BRINP3: variants seen among roughly 807,000 people sequenced by gnomAD.
The protein encoded by BRINP3 is BMP/retinoic acid inducible neural specific 3.
BRINP3 carries 19 observed loss-of-function variants against 71.0 expected under a neutral mutation model. The ratio of observed to expected loss-of-function variants is 0.27; its 90% CI spans 0.19 to 0.39. BRINP3 has a LOEUF of 0.39. Among genes scored for constraint, BRINP3 ranks in the 10% least tolerant of loss-of-function variants. BRINP3 has a pLI of 1.00. For synonymous variants in BRINP3, 380 were observed against 337.7 expected, an observed-to-expected ratio of 1.13 and a Z score of -1.37; for missense variants, 959 against 940.8, an observed-to-expected ratio of 1.02 and a Z score of -0.25.
In BRINP3 at chr1:190,243,713, G is replaced by C. The variant is rs201173906; in HGVS notation, c.619-9236C>G. Among the ~76,000 whole-genome samples the C allele has an allele frequency of 2.4e-4, 36 of 152,144 alleles. No individual in the cohort carries two copies. The East Asian group carries it at 6.2e-3, about 26-fold the overall frequency. ...ACTCTGGTGAGAGTTACTAGGCAGCGACCTCAGTTCTTACAGCCACTGTCT... is the reference window on the plus strand; with the variant it reads ...ACTCTGGTGAGAGTTACTAGGCAGCCACCTCAGTTCTTACAGCCACTGTCT... On this transcript the variant is annotated intron_variant, in intron 4 of 7. Coordinates refer to ENST00000367462, the MANE Select transcript of BRINP3 (RefSeq NM_199051.3).
intron 6 of BRINP3, among the ~76,000 whole-genome samples, chr1:190,164,377 A>G (rs1418965402): frequency 6.6e-6 from 1 of 152,142 alleles, no homozygotes; most frequent in Non-Finnish European, 1.5e-5. Context: ...AAATAACTCA[A>G]AACAGAAGCT....
chr1:190,441,482 C>T (rs12097042), intron 2 of BRINP3, among the ~76,000 whole-genome samples: 25,562 of 151,842 alleles, frequency 0.17, 2,212 homozygotes, highest in South Asian at 0.21. Context: ...GGGCTTTGAA[C>T]CTGTACAAAA....
intron 2 of BRINP3, among the ~76,000 whole-genome samples, chr1:190,433,337 C>A (rs1674231323): frequency 6.6e-6 from 1 of 152,184 alleles, no homozygotes; most frequent in Non-Finnish European, 1.5e-5. Context: ...AATACCTGAA[C>A]TTAACTGTGG....
chr1:190,118,510 G>T (rs1653339018), intron 7 of BRINP3, among the ~76,000 whole-genome samples: 1 of 151,890 alleles, frequency 6.6e-6, no homozygotes, highest in African/African-American at 2.4e-5. Context: ...CTCACGTCTC[G>T]CCTTTATTAA....
chr1:190,114,198 G>T (rs564511642), intron 7 of BRINP3, among the ~76,000 whole-genome samples: 27 of 152,044 alleles, frequency 1.8e-4, no homozygotes, highest in African/African-American at 5.3e-4. Flanking sequence ...TCCTGCTTTC[G>T]CCATGTGGCA....
chr1:190,447,621 T>C (rs1366929339), intron 2 of BRINP3, among the ~76,000 whole-genome samples: 3 of 148,302 alleles, frequency 2.0e-5, no homozygotes, highest in Non-Finnish European at 4.5e-5. Context: ...TCTCTCTCTC[T>C]CTATATATAT....
intron 1 of BRINP3, among the ~76,000 whole-genome samples, chr1:190,469,562 T>A (rs1268825282): frequency 1.3e-5 from 2 of 151,014 alleles, no homozygotes; most frequent in Non-Finnish European, 3.0e-5. Flanking sequence ...ATTTAAGAAG[T>A]GTTCATGTCT....
chr1:190,240,728 C>T (rs1171932016), intron 4 of BRINP3, among the ~76,000 whole-genome samples: 5 of 151,278 alleles, frequency 3.3e-5, no homozygotes, highest in African/African-American at 7.3e-5. Context: ...AAAAATTAGC[C>T]GGGTGTGGTG....
intron 7 of BRINP3, among the ~76,000 whole-genome samples, chr1:190,138,242 C>T (rs1386224673): frequency 6.6e-6 from 1 of 152,096 alleles, no homozygotes; most frequent in Non-Finnish European, 1.5e-5. Flanking sequence ...GTGTGAGCCA[C>T]CACACCTGGC....
intron 6 of BRINP3, among the ~76,000 whole-genome samples, chr1:190,207,445 A>G (rs1437628679): frequency 2.0e-5 from 3 of 152,118 alleles, no homozygotes; most frequent in Non-Finnish European, 4.4e-5. Context: ...GCACTTTGTC[A>G]ATTCCTTAAA....
intron 2 of BRINP3, among the ~76,000 whole-genome samples, chr1:190,428,382 C>G (rs1501507): frequency 0.4 from 60,025 of 151,428 alleles, 12,888 homozygotes; most frequent in Non-Finnish European, 0.48. Flanking sequence ...GAAAAGGATG[C>G]CTTCTAGTTC....
chr1:190,286,916 G>T (rs1055629600), intron 2 of BRINP3, among the ~76,000 whole-genome samples: 5 of 151,888 alleles, frequency 3.3e-5, no homozygotes, highest in African/African-American at 1.2e-4. Context: ...ATATAAAATT[G>T]ACTTTAAAAG....
At chr1:190,113,838 G>C (rs1335896948) in intron 7 of BRINP3, among the ~76,000 whole-genome samples, 1 of 152,152 alleles carries the variant, frequency 6.6e-6, no homozygotes, top group Non-Finnish European at 1.5e-5. Flanking sequence ...TGTGTGATTT[G>C]AGGACATATT....
At chr1:190,108,802 T>A (rs1448544610) in intron 7 of BRINP3, among the ~76,000 whole-genome samples, 1 of 151,700 alleles carries the variant, frequency 6.6e-6, no homozygotes, top group Non-Finnish European at 1.5e-5. Context: ...ATCATCTGAT[T>A]GGAAAAAAAA....
At chr1:190,232,727 G>C (rs1658111137) in intron 5 of BRINP3, among the ~76,000 whole-genome samples, 1 of 152,044 alleles carries the variant, frequency 6.6e-6, no homozygotes, top group Non-Finnish European at 1.5e-5. Context: ...TTTGAAAACT[G>C]AACATAGTAA....
intron 2 of BRINP3, among the ~76,000 whole-genome samples, chr1:190,293,688 AT>A (rs1355917263): frequency 6.6e-6 from 1 of 152,144 alleles, no homozygotes; most frequent in African/African-American, 2.4e-5. Flanking sequence ...TGCTTTACAT[AT>A]TTGGGTGTTG....
At position 190,280,541 on chromosome 1, in the gene BRINP3, G is replaced by C. The variant is rs1170162813; in HGVS notation, c.427+1019C>G. On this transcript the variant is annotated intron_variant, in intron 3 of 7. Coordinates refer to ENST00000367462, the MANE Select transcript of BRINP3 (RefSeq NM_199051.3). ...AAGAGTTTGATATGGGGTATATTCT[G>C]GTGTAAAAAATTGACATGACTTGCT... Among the ~76,000 whole-genome samples the C allele has an allele frequency of 2.0e-5, 3 of 151,772 alleles. No homozygotes were observed. In the Admixed American group the frequency reaches 2.0e-4, roughly 10 times the overall value.
intron 6 of BRINP3, among the ~76,000 whole-genome samples, chr1:190,178,427 T>C (rs973723355): frequency 1.3e-5 from 2 of 152,174 alleles, no homozygotes; most frequent in Non-Finnish European, 2.9e-5. Flanking sequence ...CCAGTGCAAT[T>C]GTTTTTGTAT....
intron 2 of BRINP3, among the ~76,000 whole-genome samples, chr1:190,328,852 G>A (rs1325400682): frequency 6.6e-6 from 1 of 151,968 alleles, no homozygotes; most frequent in East Asian, 1.9e-4. Flanking sequence ...ATTTTGAGAT[G>A]CAAGGTTGGT....
Sources: gnomAD v4.1 joint callset for allele counts (sites outside exome capture counted in the v4.1 genomes callset) on GRCh38, gnomAD v4.1.1 for gene constraint, MANE v1.5 for transcripts, NCBI Gene and HGNC (gene_info 2026-07-23, HGNC 2026-07-21) for gene names.